Variants in CNTNAP5 observed in about 807,000 individuals in gnomAD.
CNTNAP5 encodes the protein contactin-associated protein-like 5.
In CNTNAP5, 72 loss-of-function variants were observed where a neutral mutation model predicts 150.2. The observed-to-expected ratio is 0.48, with a 90% confidence interval of 0.40 to 0.58. The LOEUF is 0.58. CNTNAP5 is among the 20% of genes least tolerant of loss of function. The pLI is 0.00. For missense variants in CNTNAP5, 1,636 were observed against 1,626.2 expected (o/e 1.01, Z -0.10); for synonymous variants, 672 against 619.8 (o/e 1.08, Z -1.25).
At chr2:124,699,080 T>C (rs1472375731) in intron 13 of CNTNAP5, among the ~76,000 whole-genome samples, 1 of 152,178 alleles carries the variant, frequency 6.6e-6, no homozygotes, top group Non-Finnish European at 1.5e-5. Context: ...GAAGTTTAAA[T>C]AGCCTCTATG....
chr2:124,462,861 A>G (rs752697513), intron 6 of CNTNAP5, among the ~76,000 whole-genome samples: 1 of 152,252 alleles, frequency 6.6e-6, no homozygotes, highest in African/African-American at 2.4e-5. Flanking sequence ...TCACGCCCAT[A>G]CCCCACAGGT....
chr2:124,460,897 A>G (rs1693231113), intron 6 of CNTNAP5, among the ~76,000 whole-genome samples: 1 of 152,220 alleles, frequency 6.6e-6, no homozygotes, highest in Non-Finnish European at 1.5e-5. Context: ...TTGCAGGGTT[A>G]AAAGTGAAGG....
chr2:124,306,747 G>A (rs1688701224), intron 3 of CNTNAP5, among the ~76,000 whole-genome samples: 1 of 106,268 alleles, frequency 9.4e-6, no homozygotes, highest in African/African-American at 4.7e-5. Context: ...TTTTTTTTGA[G>A]GTGAAGTTTT....
At chr2:124,441,993 TAA>T (rs141089743) in intron 5 of CNTNAP5, among the ~76,000 whole-genome samples, 19,544 of 152,122 alleles carry the variant, frequency 0.13, 1,637 homozygotes, top group Non-Finnish European at 0.19. Flanking sequence ...CATAAAATGA[TAA>T]GTGTGTTAAT....
intron 12 of CNTNAP5, among the ~76,000 whole-genome samples, chr2:124,637,341 G>C (rs4848956): frequency 0.38 from 58,151 of 152,016 alleles, 12,984 homozygotes; most frequent in Non-Finnish European, 0.51. Flanking sequence ...AAAGACAGTT[G>C]TTAAATAAAA....
At chr2:124,402,809 G>A (rs1265137920) in intron 3 of CNTNAP5, among the ~76,000 whole-genome samples, 1 of 152,168 alleles carries the variant, frequency 6.6e-6, no homozygotes, top group African/African-American at 2.4e-5. Flanking sequence ...GAGTTCTATT[G>A]TTTAACTCTC....
intron 21 of CNTNAP5, among the ~76,000 whole-genome samples, chr2:124,895,999 C>T (rs774594038): frequency 5.3e-5 from 8 of 151,500 alleles, no homozygotes; most frequent in Non-Finnish European, 1.2e-4. Flanking sequence ...GTAAACAGAA[C>T]AGACATCGTG....
chr2:124,760,055 G>C (rs904436747), intron 14 of CNTNAP5, among the ~76,000 whole-genome samples: 2 of 148,554 alleles, frequency 1.3e-5, no homozygotes, highest in Non-Finnish European at 3.0e-5. Flanking sequence ...CATCAGTGCA[G>C]CATTGCAGAC....
intron 19 of CNTNAP5, among the ~76,000 whole-genome samples, chr2:124,826,135 TACTG>T (rs895668164): frequency 2.6e-5 from 4 of 152,146 alleles, no homozygotes; most frequent in Admixed American, 2.6e-4. Flanking sequence ...CTTGAGATCT[TACTG>T]AGTTATTACT....
intron 11 of CNTNAP5, among the ~76,000 whole-genome samples, chr2:124,582,097 G>A (rs1401347734): frequency 6.6e-6 from 1 of 152,144 alleles, no homozygotes; most frequent in East Asian, 1.9e-4. Context: ...GACTACAAAT[G>A]GAAGTTGCTG....
chr2:124,377,026 G>A (rs535604690), intron 3 of CNTNAP5, among the ~76,000 whole-genome samples: 3 of 152,144 alleles, frequency 2.0e-5, no homozygotes, highest in East Asian at 3.9e-4. Flanking sequence ...TTTAGATTTC[G>A]TGGTATTAAA....
intron 3 of CNTNAP5, among the ~76,000 whole-genome samples, chr2:124,269,720 T>A (rs571588872): frequency 7.2e-4 from 109 of 152,214 alleles, no homozygotes; most frequent in African/African-American, 2.6e-3. Context: ...GGCTGCAGGA[T>A]CTCCATCCAT....
intron 1 of CNTNAP5, among the ~76,000 whole-genome samples, chr2:124,151,571 C>G (rs1391018106): frequency 6.6e-6 from 1 of 152,164 alleles, no homozygotes; most frequent in East Asian, 1.9e-4. Flanking sequence ...TCTGTTTCAG[C>G]ACTTAAAAAA....
chr2:124,214,107 G>A (rs1686092354), intron 1 of CNTNAP5, among the ~76,000 whole-genome samples: 1 of 152,074 alleles, frequency 6.6e-6, no homozygotes, highest in African/African-American at 2.4e-5. Context: ...ATGGAATAAG[G>A]TGATGGTCTC....
chr2:124,066,371 A>G (rs1682154573), intron 1 of CNTNAP5, among the ~76,000 whole-genome samples: 1 of 152,168 alleles, frequency 6.6e-6, no homozygotes, highest in Non-Finnish European at 1.5e-5. Flanking sequence ...GTACATTTGG[A>G]GATTAGGATA....
chr2:124,706,804 G>A (rs377047011), intron 13 of CNTNAP5, among the ~76,000 whole-genome samples: 331 of 7,264 alleles, frequency 0.046, 4 homozygotes, highest in Middle Eastern at 0.12. Flanking sequence ...GAAGGAGGAG[G>A]AGGAGGAGGA....
chr2:124,840,095 A>G (rs542837153), intron 19 of CNTNAP5, among the ~76,000 whole-genome samples: 32 of 152,086 alleles, frequency 2.1e-4, no homozygotes, highest in Non-Finnish European at 4.0e-4. Context: ...ATAAAGCTTG[A>G]GAGGATGTGA....
intron 5 of CNTNAP5, among the ~76,000 whole-genome samples, chr2:124,444,321 G>T (rs770263025): frequency 1.3e-5 from 2 of 152,060 alleles, no homozygotes; most frequent in Non-Finnish European, 2.9e-5. Flanking sequence ...CTGGCCGGGC[G>T]CAGTGGCTCA....
At chr2:124,718,161 T>G (rs565883925) in intron 13 of CNTNAP5, among the ~76,000 whole-genome samples, 2 of 152,330 alleles carry the variant, frequency 1.3e-5, no homozygotes, top group East Asian at 3.9e-4. Flanking sequence ...TACTCCATTC[T>G]TACCAAATGA....
Sources: allele counts gnomAD v4.1 joint callset (sites outside exome capture counted in the v4.1 genomes callset), GRCh38; gene constraint gnomAD v4.1.1; transcripts MANE v1.5; gene names NCBI Gene and HGNC (gene_info 2026-07-23, HGNC 2026-07-21).